Variants in ACIN1 observed in about 807,000 individuals in gnomAD.
ACIN1 encodes apoptotic chromatin condensation inducer 1, also known as apoptotic chromatin condensation inducer in the nucleus.
ACIN1 carries 16 observed loss-of-function variants against 146.6 expected under a neutral mutation model. The ratio of observed to expected loss-of-function variants is 0.11; its 90% CI spans 0.07 to 0.17. The LOEUF (loss-of-function observed/expected upper bound fraction) is 0.17. Ranked by LOEUF, ACIN1 falls within the 10% of genes least tolerant of loss-of-function variation. The pLI, the probability that ACIN1 is intolerant of heterozygous loss-of-function variation, is 1.00. For synonymous variants in ACIN1, 569 were observed against 582.7 expected, an observed-to-expected ratio of 0.98 and a Z score of 0.34; for missense variants, 1,357 against 1,609.3, an observed-to-expected ratio of 0.84 and a Z score of 2.68.
At chr14:23,093,631 C>T (rs770249252) in intron 1 of ACIN1, 87 bp from the exon 2 acceptor site, 39 of 1,102,482 alleles carry the variant, frequency 3.5e-5, no homozygotes, top group Admixed American at 3.8e-5. Flanking sequence ...CTAAATTAAA[C>T]GCAATGACTT....
rs1244150721 is a variant in ACIN1 at position 23,061,355 on chromosome 14, G to A, written c.3367C>T (p.Arg1123Cys). The A allele has an allele frequency of 6.8e-6, 11 of 1,614,004 alleles. No individual in the cohort carries two copies. The African/African-American group carries it at 9.3e-5, about 14-fold the overall frequency. ...REGPRSRSRS[R>C]DRRRKERAKS... The stretch of plus-strand genomic sequence containing the variant: ...GCACGTTCCTTGCGGCGGCGGTCAC[G>A]GGACCTTGATCGGGAACGGGGCCCT... Residue 1123 changes from arginine to cysteine, a missense_variant, in exon 17 of 19, where the codon CGT (arginine) becomes TGT (cysteine). By Grantham distance (180) the Arg-to-Cys change is radical. Coordinates refer to ENST00000605057, the MANE Select transcript of ACIN1 (RefSeq NM_001386863.1).
At chr14:23,062,613 A>T in intron 14 of ACIN1, 90 bp from the exon 15 acceptor site, 1 of 1,271,540 alleles carries the variant, frequency 7.9e-7, no homozygotes, top group Non-Finnish European at 1.1e-6. Context: ...ACAGGAGTAT[A>T]GTTTCAAGGT....
At chr14:23,081,988 A>C (rs954006584) in intron 4 of ACIN1, 152 bp from the exon 5 acceptor site, 16 of 573,968 alleles carry the variant, frequency 2.8e-5, no homozygotes, top group Non-Finnish European at 4.2e-5. Context: ...ACACTAAAGA[A>C]AAGACTACAA....
chr14:23,059,043 T>G lies in ACIN1; in HGVS notation c.*105A>C. 9.1e-7 allele frequency: 1 copy of G among 1,103,292 alleles called. No individual in the cohort carries two copies. The highest frequency in any genetic ancestry group is 1.3e-6 in the Non-Finnish European group (1 of 754,716). The allele number at this position is 1,103,292 out of a possible 1,614,324, so 68.3% of individuals were successfully genotyped here. A position where few individuals can be genotyped will look rare whatever the true frequency, so the allele number is the denominator to read the frequency against. The stretch of plus-strand genomic sequence containing the variant: ...GGTATGTATGTAGGGATAGGTGATG[T>G]GAAAGACCCTTGGCTCCAGGGTGGT... On this transcript the variant is annotated 3_prime_UTR_variant, in exon 19 of 19. Coordinates refer to ENST00000605057, the MANE Select transcript of ACIN1 (RefSeq NM_001386863.1).
intron 9 of ACIN1, chr14:23,069,221 C>T (rs1019435576): frequency 3.2e-5 from 38 of 1,188,070 alleles, no homozygotes; most frequent in East Asian, 1.1e-4. Context: ...CAGACTTTCC[C>T]GTTAGTTACA....
In ACIN1 at chr14:23,059,368, C is replaced by T. The variant is rs759053676; in HGVS notation, c.3632G>A (p.Arg1211Gln). Reference protein sequence around the residue: ...EQKEREKEAERERNRQLEREK... With the variant: ...EQKEREKEAEQERNRQLEREK... Reference sequence around the variant, plus strand: ...TCGCTCCAGCTGTCGGTTCCGTTCCCGCTCGGCTTCCTTCTCCCGCTCCTT... The same window carrying T: ...TCGCTCCAGCTGTCGGTTCCGTTCCTGCTCGGCTTCCTTCTCCCGCTCCTT... The change falls in exon 19 of 19, where the codon CGG becomes CAG. Residue 1211 changes from arginine (R) to glutamine (Q), a missense_variant. By Grantham distance (43) the Arg-to-Gln change is conservative. Coordinates refer to ENST00000605057, the MANE Select transcript of ACIN1 (RefSeq NM_001386863.1). 9 of 1,613,310 alleles carry T rather than the reference C, an allele frequency of 5.6e-6. No homozygotes were observed. The highest frequency in any genetic ancestry group is 2.7e-5 in the African/African-American group (2 of 74,860).
At chr14:23,079,060 A>G in intron 6 of ACIN1, 22 bp from the exon 7 acceptor site, 1 of 1,603,838 alleles carries the variant, frequency 6.2e-7, no homozygotes, top group Non-Finnish European at 8.5e-7. Flanking sequence ...TGAAACACAT[A>G]ACAAGGAAAA....
At chr14:23,069,641 T>TGGGGGGGGGGGGGGGGG in intron 8 of ACIN1, 24 bp from the exon 9 acceptor site, 1 of 309,220 alleles carries the variant, frequency 3.2e-6, no homozygotes, top group Non-Finnish European at 5.7e-6. Flanking sequence ...GGAGTGGTGG[T>TGGGGGGGGGGGGGGGGG]GGGGGGGCGG....
chr14:23,082,785 G>A (rs889564030), intron 4 of ACIN1, among the ~76,000 whole-genome samples: 5 of 150,786 alleles, frequency 3.3e-5, no homozygotes, highest in Non-Finnish European at 5.9e-5. Flanking sequence ...TGTTGCCCAG[G>A]ATGGAGTGCA....
At position 23,067,260 on chromosome 14, in the gene ACIN1, T is replaced by A. The variant is rs905235302; in HGVS notation, c.2266-1252A>T. On this transcript the variant is annotated intron_variant, in intron 9 of 18. Transcript: ENST00000605057. This position sits in a 1 kb window ranked among gnomAD's most constrained non-coding sequence, Gnocchi z 4.6. ...AAATATTAAAAAAAGAAGAAGAAAA[T>A]AAAGAAGAAAATAAACTAGGAATAT... 2.7e-5 allele frequency: 26 copies of A among 955,520 alleles called. No individual in the cohort carries two copies. The African/African-American group carries it at 3.7e-4, about 13-fold the overall frequency. The allele number at this position is 955,520 out of a possible 1,614,324, so 59.2% of individuals were successfully genotyped here. A position where few individuals can be genotyped will look rare whatever the true frequency, so the allele number is the denominator to read the frequency against.
intron 2 of ACIN1, among the ~76,000 whole-genome samples, chr14:23,090,849 G>GT (rs1254021127): frequency 6.6e-6 from 1 of 152,180 alleles, no homozygotes; most frequent in Non-Finnish European, 1.5e-5. Context: ...CTGCACATAA[G>GT]TTTTTGATTT....
chr14:23,077,031 A>G (rs1594768335), intron 8 of ACIN1, among the ~76,000 whole-genome samples: 1 of 152,340 alleles, frequency 6.6e-6, no homozygotes, highest in East Asian at 1.9e-4. Flanking sequence ...CAGCCACAAG[A>G]TGGCAGCAGA....
Position 23,080,575 on chromosome 14 carries a change from G to C in ACIN1, c.760C>G (p.Pro254Ala). ...ATCATCTCCTCTGGTTTTACTCTAG[G>C]TATCTCTTCCCCTTCTTCCTTAAAC... ...KEFKEEGEEI[P>A]RVKPEEMMDE... Residue 254 changes from proline to alanine, a missense_variant, in exon 6 of 19, where the codon CCT becomes GCT. By Grantham distance (27) the Pro-to-Ala change is conservative. Around this residue, in one of 4 missense-constraint regions of ACIN1, gnomAD observed 771 missense variants for 746.6 expected, o/e 1.03. Transcript: ENST00000605057. The C allele has an allele frequency of 6.2e-7, 1 of 1,613,868 alleles. No homozygotes were observed. Among genetic ancestry groups the C allele is most frequent in the Non-Finnish European group, 8.5e-7 (1 of 1,179,974 alleles).
intron 8 of ACIN1, among the ~76,000 whole-genome samples, chr14:23,070,140 A>G (rs1420488484): frequency 2.7e-5 from 4 of 147,836 alleles, no homozygotes; most frequent in Non-Finnish European, 4.5e-5. Context: ...CAACTGCTTA[A>G]TAAGTAAAGG....
chr14:23,069,257 C>A (rs1294410425), intron 9 of ACIN1: 1 of 1,243,454 alleles, frequency 8.0e-7, no homozygotes, highest in Admixed American at 4.2e-5. Flanking sequence ...GGCACTACTT[C>A]CCCAACAAGG....
chr14:23,095,223 C>T (rs759484297), upstream of ACIN1: 4 of 1,613,596 alleles, frequency 2.5e-6, no homozygotes, highest in African/African-American at 1.3e-5. Context: ...TACTCTACCC[C>T]TCGATTACCA....
Position 23,063,392 on chromosome 14 carries a change from A to T in ACIN1, c.2737+44T>A, listed in dbSNP as rs371002942. Reference sequence around the variant, plus strand: ...GCGATCCAAATGAGGTGCTCTGAGAATTCAGGGAGCCGCATTACATTTCTC... The same window carrying T: ...GCGATCCAAATGAGGTGCTCTGAGATTTCAGGGAGCCGCATTACATTTCTC... On this transcript the variant is annotated intron_variant, in intron 13 of 18. Transcript: ENST00000605057. 13 of 1,594,472 alleles carry T rather than the reference A, an allele frequency of 8.2e-6. No homozygotes were observed. In the African/African-American group the frequency reaches 1.7e-4, roughly 21 times the overall value.
chr14:23,095,291 A>G, upstream of ACIN1: 1 of 1,592,486 alleles, frequency 6.3e-7, no homozygotes, highest in African/African-American at 1.3e-5. Flanking sequence ...CCACATCGTT[A>G]CCAATCAATT....
intron 16 of ACIN1, among the ~76,000 whole-genome samples, 174 bp from the exon 17 acceptor site, chr14:23,061,796 A>AC (rs1350497321): frequency 6.6e-6 from 1 of 151,540 alleles, no homozygotes; most frequent in East Asian, 1.9e-4. Context: ...ACACGGTGAA[A>AC]CCCCGTCTCT....
Sources: allele counts gnomAD v4.1 joint callset (sites outside exome capture counted in the v4.1 genomes callset), GRCh38; gene constraint gnomAD v4.1.1; regional missense constraint gnomAD v4.1.1; non-coding constraint Gnocchi (gnomAD v3.1); transcripts MANE v1.5; gene names NCBI Gene and HGNC (gene_info 2026-07-23, HGNC 2026-07-21).